The following CRMP1 variants were observed in gnomAD, a reference collection of about 807,000 sequenced individuals.
CRMP1 encodes collapsin response mediator protein 1.
In CRMP1, 19 loss-of-function variants were observed where a neutral mutation model predicts 68.3. The ratio of observed to expected loss-of-function variants is 0.28; its 90% CI spans 0.19 to 0.41. The LOEUF is 0.41. CRMP1 is among the 10% of genes least tolerant of loss of function. The pLI is 1.00. For synonymous variants in CRMP1, 439 were observed against 399.6 expected (o/e 1.10, Z -1.18); for missense variants, 791 against 967.4 (o/e 0.82, Z 2.42).
chr4:5,851,527 T>G (rs1712619043), intron 4 of CRMP1, 58 bp from the exon 5 acceptor site: 1 of 1,526,682 alleles, frequency 6.6e-7, no homozygotes, highest in Non-Finnish European at 9.1e-7. Context: ...AAGCATGTCT[T>G]TCCAATAAAT....
At chr4:5,875,090 C>T (rs112780123) in intron 1 of CRMP1, among the ~76,000 whole-genome samples, 243 of 152,316 alleles carry the variant, frequency 1.6e-3, no homozygotes, top group African/African-American at 5.1e-3. Flanking sequence ...ATTGGCAGGA[C>T]GCTTTTGTTC....
chr4:5,836,319 C>G (rs1215349240), intron 10 of CRMP1, among the ~76,000 whole-genome samples: 1 of 152,182 alleles, frequency 6.6e-6, no homozygotes, highest in Non-Finnish European at 1.5e-5. Flanking sequence ...GACATCTTGT[C>G]CATGTCACCA....
At chr4:5,868,261 C>CTATCTATATATATA (rs1210674102) in intron 1 of CRMP1, among the ~76,000 whole-genome samples, 15 of 111,456 alleles carry the variant, frequency 1.3e-4, no homozygotes, top group Non-Finnish European at 2.1e-4. Context: ...GACTATATAT[C>CTATCTATATATATA]TATATATATA....
chr4:5,836,633 C>T (rs951112293), intron 10 of CRMP1, 132 bp downstream of exon 10: 15 of 1,322,600 alleles, frequency 1.1e-5, no homozygotes, highest in Non-Finnish European at 1.5e-5. Flanking sequence ...CCCTCCTGCG[C>T]CCTCCTAGTA....
chr4:5,824,112 A>C (rs185828577), intron 13 of CRMP1, among the ~76,000 whole-genome samples: 24 of 152,302 alleles, frequency 1.6e-4, no homozygotes, highest in African/African-American at 5.8e-4. Flanking sequence ...TTCTAAGAAC[A>C]ACGGGGAGGA....
rs558671535 is a variant in CRMP1 at position 5,825,150 on chromosome 4, C to A, written c.1969+344G>T. ...CCCTGCAAATGGCAGCTACTCCCAT[C>A]TCTTGTTCATCCCCACCACTCCATG... On this transcript the variant is annotated intron_variant, in intron 13 of 13. Transcript: ENST00000324989. This position sits in a 1 kb window ranked among gnomAD's most constrained non-coding sequence, Gnocchi z 4.4. The A allele has an allele frequency of 3.0e-6, 3 of 985,286 alleles. No homozygotes were observed. In the African/African-American group the frequency reaches 5.2e-5, roughly 17 times the overall value. The allele number at this position is 985,286 out of a possible 1,614,324, so 61.0% of individuals were successfully genotyped here. A position where few individuals can be genotyped will look rare whatever the true frequency, so the allele number is the denominator to read the frequency against.
At chr4:5,836,711 C>T in intron 10 of CRMP1, 54 bp downstream of exon 10, 9 of 1,613,486 alleles carry the variant, frequency 5.6e-6, no homozygotes, top group Non-Finnish European at 7.6e-6. Context: ...CATCGGCTTT[C>T]ACAGGGCAGG....
chr4:5,830,343 A>G (rs1190072236), intron 11 of CRMP1, among the ~76,000 whole-genome samples: 2 of 152,214 alleles, frequency 1.3e-5, no homozygotes, highest in Non-Finnish European at 2.9e-5. Context: ...ATTATTTTGT[A>G]TAATTTTTGT....
intron 2 of CRMP1, among the ~76,000 whole-genome samples, chr4:5,863,611 C>G (rs969611936): frequency 6.6e-6 from 1 of 152,130 alleles, no homozygotes; most frequent in East Asian, 1.9e-4. Context: ...AGACAGACGC[C>G]CCTCCCCCAA....
At chr4:5,856,061 G>C (rs775586064) in intron 4 of CRMP1, 82 bp downstream of exon 4, 9 of 1,522,418 alleles carry the variant, frequency 5.9e-6, no homozygotes, top group Non-Finnish European at 8.1e-6. Context: ...TGCAGACAGG[G>C]GGATTTTTCA....
At position 5,892,169 on chromosome 4, in the gene CRMP1, C is replaced by T. The variant is rs1056742871; in HGVS notation, c.381+420G>A. Among the ~76,000 whole-genome samples, 2 of 152,094 alleles carry T rather than the reference C, an allele frequency of 1.3e-5. No individual in the cohort carries two copies. Among genetic ancestry groups the T allele is most frequent in the Non-Finnish European group, 2.9e-5 (2 of 68,014 alleles). On this transcript the variant is annotated intron_variant, in intron 1 of 13. Transcript: ENST00000324989. The surrounding 1 kb of genome is among the most constrained non-coding windows in gnomAD (Gnocchi z 8.6). ...GTAGGTGCTCTATAATTACTACCGACTGAGTGGATGGATGAATGGACCAAC... is the reference window on the plus strand; with the variant it reads ...GTAGGTGCTCTATAATTACTACCGATTGAGTGGATGGATGAATGGACCAAC...
intron 1 of CRMP1, among the ~76,000 whole-genome samples, chr4:5,876,771 G>A (rs749571278): frequency 3.0e-5 from 4 of 135,056 alleles, no homozygotes; most frequent in Non-Finnish European, 4.5e-5. Flanking sequence ...CTGATAGCAC[G>A]ACAGCATGGC....
intron 1 of CRMP1, among the ~76,000 whole-genome samples, chr4:5,871,521 G>T (rs373931013): frequency 1.3e-5 from 2 of 152,068 alleles, no homozygotes; most frequent in African/African-American, 4.8e-5. Context: ...TTAGCCGGGC[G>T]TGGTGGCGCA....
At position 5,872,227 on chromosome 4, in the gene CRMP1, A is replaced by G. The variant is rs1439825264; in HGVS notation, c.382-5471T>C. Among the ~76,000 whole-genome samples the G allele has an allele frequency of 2.0e-5, 3 of 152,186 alleles. No individual in the cohort carries two copies. The highest frequency in any genetic ancestry group is 4.4e-5 in the Non-Finnish European group (3 of 68,040). On this transcript the variant is annotated intron_variant, in intron 1 of 13. Coordinates refer to ENST00000324989, the MANE Select transcript of CRMP1 (RefSeq NM_001014809.3). This position sits in a 1 kb window ranked among gnomAD's most constrained non-coding sequence, Gnocchi z 4.6. ...GAAATATGAGTGCACAGAACTGTATACTAAAAAAGTAAATGTTACATAATA... is the reference window on the plus strand; with the variant it reads ...GAAATATGAGTGCACAGAACTGTATGCTAAAAAAGTAAATGTTACATAATA...
intron 6 of CRMP1, among the ~76,000 whole-genome samples, chr4:5,848,701 T>C (rs1381709425): frequency 6.6e-6 from 1 of 152,220 alleles, no homozygotes; most frequent in Non-Finnish European, 1.5e-5. Context: ...GTATTTCCCA[T>C]GGTTCTGGAG....
intron 1 of CRMP1, among the ~76,000 whole-genome samples, chr4:5,874,791 G>A (rs1009847554): frequency 1.8e-4 from 27 of 152,168 alleles, no homozygotes; most frequent in African/African-American, 6.0e-4. Flanking sequence ...AACAAAGGGA[G>A]AAAAGAATAC....
In CRMP1 at chr4:5,892,907, C is replaced by A; in HGVS notation, c.63G>T (p.Pro21=). The change falls in exon 1 of 14, where the codon CCG becomes CCT. Residue 21 remains proline (P), a synonymous_variant. Coordinates refer to ENST00000324989, the MANE Select transcript of CRMP1 (RefSeq NM_001014809.3). The surrounding 1 kb of genome is among the most constrained non-coding windows in gnomAD (Gnocchi z 8.6). ...EDDLPVYLAR[P]GSAAQTPRQK... is the part of the protein sequence containing the mutation. ...GGCGCGGGGTCTGCGCCGCGCTGCCCGGCCGCGCCAGGTACACGGGCAGGT... is the reference window on the plus strand; with the variant it reads ...GGCGCGGGGTCTGCGCCGCGCTGCCAGGCCGCGCCAGGTACACGGGCAGGT... 7.3e-7 allele frequency: 1 copy of A among 1,361,604 alleles called. No homozygotes were observed. The highest frequency in any genetic ancestry group is 9.5e-7 in the Non-Finnish European group (1 of 1,050,192). The allele number at this position is 1,361,604 out of a possible 1,614,324, so 84.3% of individuals were successfully genotyped here. A position where few individuals can be genotyped will look rare whatever the true frequency, so the allele number is the denominator to read the frequency against.
chr4:5,892,522 C>T lies in CRMP1; in HGVS notation c.381+67G>A. The T allele has an allele frequency of 1.7e-6, 2 of 1,152,282 alleles. No homozygotes were observed. Among genetic ancestry groups the T allele is most frequent in the Non-Finnish European group, 2.1e-6 (2 of 936,274 alleles). The allele number at this position is 1,152,282 out of a possible 1,614,324, so 71.4% of individuals were successfully genotyped here. On this transcript the variant is annotated intron_variant, in intron 1 of 13. Transcript: ENST00000324989. The surrounding 1 kb of genome is among the most constrained non-coding windows in gnomAD (Gnocchi z 8.6). The stretch of plus-strand genomic sequence containing the variant: ...CCGGGGCCCGGGCATGGCCCTCGGG[C>T]GCCCCATGCCCTGGGTCCTCCCGGG...
chr4:5,828,991 A>C (rs568297004), intron 11 of CRMP1, among the ~76,000 whole-genome samples: 1 of 152,014 alleles, frequency 6.6e-6, no homozygotes, highest in Non-Finnish European at 1.5e-5. Context: ...AATAAGTAAA[A>C]TGTTCTTCAT....
Sources: allele counts gnomAD v4.1 joint callset (sites outside exome capture counted in the v4.1 genomes callset), GRCh38; gene constraint gnomAD v4.1.1; non-coding constraint Gnocchi (gnomAD v3.1); transcripts MANE v1.5; gene names NCBI Gene and HGNC (gene_info 2026-07-23, HGNC 2026-07-21).